Variants in MANBAL observed in about 807,000 individuals in gnomAD.
MANBAL encodes the protein mannosidase beta like.
MANBAL carries 1 observed loss-of-function variant against 6.4 expected under a neutral mutation model. The ratio of observed to expected loss-of-function variants is 0.16; its 90% CI spans 0.06 to 0.74. MANBAL has a LOEUF of 0.74. Among genes scored for constraint, MANBAL ranks in the 30% least tolerant of loss-of-function variants. The pLI, the probability that MANBAL is intolerant of heterozygous loss-of-function variation, is 0.78. For missense variants in MANBAL, 100 were observed against 107.8 expected (o/e 0.93, Z 0.32); for synonymous variants, 47 against 45.8 (o/e 1.03, Z -0.10).
intron 1 of MANBAL, chr20:37,297,531 G>A (rs544273251): frequency 4.6e-5 from 7 of 152,342 alleles, no homozygotes; most frequent in East Asian, 1.9e-4. Context: ...AGCAATACTC[G>A]TGTGTAAGTC....
At chr20:37,301,505 G>T (rs2069135343) in intron 2 of MANBAL, 92 bp downstream of exon 2, 20 of 1,372,144 alleles carry the variant, frequency 1.5e-5, no homozygotes, top group South Asian at 3.1e-5. Context: ...AGATCAGCAG[G>T]GTCTACATTG....
chr20:37,294,188 T>C (rs1202014924), intron 1 of MANBAL, among the ~76,000 whole-genome samples: 1 of 152,252 alleles, frequency 6.6e-6, no homozygotes, highest in African/African-American at 2.4e-5. Flanking sequence ...TATTCCTAAT[T>C]ATAGTGTCAT....
At chr20:37,296,518 A>G (rs1244516811) in intron 1 of MANBAL, among the ~76,000 whole-genome samples, 3 of 152,112 alleles carry the variant, frequency 2.0e-5, no homozygotes, top group African/African-American at 7.2e-5. Context: ...CACAATGTTT[A>G]TATTTGCCGG....
At chr20:37,290,939 A>G (rs989329453) in intron 1 of MANBAL, among the ~76,000 whole-genome samples, 1 of 152,154 alleles carries the variant, frequency 6.6e-6, no homozygotes, top group Non-Finnish European at 1.5e-5. Context: ...ACTGGTTTCT[A>G]TTCCCCAGTC....
intron 2 of MANBAL, among the ~76,000 whole-genome samples, chr20:37,305,360 T>C (rs2069233611): frequency 6.6e-6 from 1 of 152,170 alleles, no homozygotes; most frequent in African/African-American, 2.4e-5. Context: ...CTGTTGTGTT[T>C]GAAGCCCTTA....
In MANBAL at chr20:37,301,371, T is replaced by G; in HGVS notation, c.108T>G (p.Cys36Trp). 3.7e-6 allele frequency: 6 copies of G among 1,613,824 alleles called. No homozygotes were observed. The highest frequency in any genetic ancestry group is 5.1e-6 in the Non-Finnish European group (6 of 1,179,816). ...LFLGAIFQLI[C>W]VLAIIVPIPK... The stretch of plus-strand genomic sequence containing the variant: ...TGGGAGCCATCTTCCAGCTCATCTG[T>G]GTGCTGGCCATCATCGTACCCATTC... The change falls in exon 2 of 3, where the codon TGT becomes TGG. Residue 36 changes from cysteine (C) to tryptophan (W), a missense_variant. Physicochemically the swap from Cys to Trp is radical, Grantham distance 215. Transcript: ENST00000373606.
At chr20:37,303,674 C>T (rs1326769990) in intron 2 of MANBAL, among the ~76,000 whole-genome samples, 1 of 152,156 alleles carries the variant, frequency 6.6e-6, no homozygotes, top group Non-Finnish European at 1.5e-5. Flanking sequence ...GTACATGGGG[C>T]AGAGACTGGA....
intron 2 of MANBAL, among the ~76,000 whole-genome samples, chr20:37,304,085 T>C (rs1277051724): frequency 2.6e-5 from 4 of 152,236 alleles, no homozygotes; most frequent in Admixed American, 6.5e-5. Context: ...TTAAAATAAC[T>C]ATATTTTTTA....
intron 2 of MANBAL, 50 bp downstream of exon 2, chr20:37,301,463 C>T: frequency 6.3e-7 from 1 of 1,598,086 alleles, no homozygotes. Context: ...AGGCTGGGTT[C>T]TGAGTACTAA....
At chr20:37,303,635 G>A (rs2069190036) in intron 2 of MANBAL, among the ~76,000 whole-genome samples, 1 of 152,234 alleles carries the variant, frequency 6.6e-6, no homozygotes, top group Non-Finnish European at 1.5e-5. Context: ...GCAGTGAAAG[G>A]ATACCAGGTA....
At chr20:37,310,991 G>A (rs1048236000) in intron 2 of MANBAL, among the ~76,000 whole-genome samples, 5 of 152,200 alleles carry the variant, frequency 3.3e-5, no homozygotes, top group Non-Finnish European at 5.9e-5. Flanking sequence ...GGCCCTGTGT[G>A]GCTGGGACCC....
At chr20:37,299,483 T>A (rs1272219866) in intron 1 of MANBAL, among the ~76,000 whole-genome samples, 2 of 152,254 alleles carry the variant, frequency 1.3e-5, no homozygotes, top group Non-Finnish European at 2.9e-5. Flanking sequence ...CAATTCAAAC[T>A]AGCTGCGTTT....
intron 2 of MANBAL, among the ~76,000 whole-genome samples, chr20:37,304,071 A>G (rs1224570215): frequency 6.6e-6 from 1 of 152,212 alleles, no homozygotes; most frequent in Non-Finnish European, 1.5e-5. Context: ...TACCAGTTAC[A>G]CTTTTAAAAT....
chr20:37,310,876 G>A (rs764256956), intron 2 of MANBAL, among the ~76,000 whole-genome samples: 2 of 152,230 alleles, frequency 1.3e-5, no homozygotes, highest in African/African-American at 2.4e-5. Context: ...CGGCTTTGTA[G>A]TCTGCCGTCT....
chr20:37,316,241 T>G, intron 2 of MANBAL, 67 bp from the exon 3 acceptor site: 1 of 1,420,268 alleles, frequency 7.0e-7, no homozygotes, highest in Non-Finnish European at 9.8e-7. Context: ...CTTTCAGATG[T>G]GATCTCCTTT....
intron 2 of MANBAL, among the ~76,000 whole-genome samples, chr20:37,307,681 C>T (rs947219884): frequency 1.5e-4 from 22 of 151,090 alleles, no homozygotes; most frequent in South Asian, 4.2e-4. Context: ...CCCTTGAACC[C>T]GGGAGATGGA....
In MANBAL at chr20:37,301,347, G is replaced by C. The variant is rs2069131177; in HGVS notation, c.84G>C (p.Leu28=). 2 of 1,613,852 alleles carry C rather than the reference G, an allele frequency of 1.2e-6. No homozygotes were observed. Among genetic ancestry groups the C allele is most frequent in the East Asian group, 4.5e-5 (2 of 44,874 alleles). The part of the protein sequence containing the change: ...LENLLRYGLF[L]GAIFQLICVL... ...ACCTGCTACGGTACGGACTCTTCCT[G>C]GGAGCCATCTTCCAGCTCATCTGTG... The change falls in exon 2 of 3, where the codon CTG becomes CTC. Residue 28 remains leucine, a synonymous_variant. Transcript: ENST00000373606.
intron 1 of MANBAL, among the ~76,000 whole-genome samples, chr20:37,297,804 G>C (rs986640525): frequency 1.3e-5 from 2 of 151,884 alleles, no homozygotes; most frequent in African/African-American, 4.8e-5. Context: ...CACCATGTCC[G>C]GCTAATTTTT....
At chr20:37,293,504 G>T (rs2068920084) in intron 1 of MANBAL, among the ~76,000 whole-genome samples, 1 of 152,162 alleles carries the variant, frequency 6.6e-6, no homozygotes, top group Non-Finnish European at 1.5e-5. Flanking sequence ...AAATATAAAA[G>T]AAACTTCGCT....
Sources: allele counts gnomAD v4.1 joint callset (sites outside exome capture counted in the v4.1 genomes callset), GRCh38; gene constraint gnomAD v4.1.1; transcripts MANE v1.5; gene names NCBI Gene and HGNC (gene_info 2026-07-23, HGNC 2026-07-21).